Variants in RND3 observed in about 807,000 individuals in gnomAD.
RND3 encodes the protein rho-related GTP-binding protein RhoE.
RND3 carries 8 observed loss-of-function variants against 26.5 expected under a neutral mutation model. The observed-to-expected ratio is 0.30, with a 90% CI of 0.18 to 0.54. RND3 has a LOEUF of 0.54. RND3 is among the 20% of genes least tolerant of loss of function. The pLI is 0.94. For missense variants in RND3, 207 were observed against 302.8 expected (o/e 0.68, Z 2.35); for synonymous variants, 113 against 113.0 (o/e 1.00, Z 0.00).
chr2:150,471,536 GCAGCTA>G, intron 5 of RND3, 85 bp downstream of exon 5: 1 of 1,099,696 alleles, frequency 9.1e-7, no homozygotes, highest in African/African-American at 1.6e-5. Context: ...CTTTAGAAAA[GCAGCTA>G]CTTTTTATTT....
intron 3 of RND3, among the ~76,000 whole-genome samples, chr2:150,480,811 T>C (rs1686257905): frequency 1.3e-5 from 2 of 152,214 alleles, no homozygotes. Flanking sequence ...GAAACCACCA[T>C]ACAAACTATC....
intron 3 of RND3, among the ~76,000 whole-genome samples, chr2:150,475,304 A>G (rs886813687): frequency 6.6e-6 from 1 of 152,192 alleles, no homozygotes; most frequent in African/African-American, 2.4e-5. Flanking sequence ...TCTTGTGTGT[A>G]AACCTGCCTC....
intron 3 of RND3, among the ~76,000 whole-genome samples, chr2:150,484,607 C>A (rs1686327754): frequency 6.6e-6 from 1 of 152,148 alleles, no homozygotes; most frequent in East Asian, 1.9e-4. Context: ...GATGCCAGAT[C>A]CCCTAAGACT....
At chr2:150,471,475 A>G in intron 5 of RND3, 152 bp downstream of exon 5, 1 of 600,830 alleles carries the variant, frequency 1.7e-6, no homozygotes, top group East Asian at 2.8e-5. Flanking sequence ...TCATGTAATT[A>G]CACTAATAAA....
At position 150,486,607 on chromosome 2, in the gene RND3, T is replaced by A. The variant is rs369682047; in HGVS notation, c.238+87A>T. 4.7e-4 allele frequency: 443 copies of A among 943,634 alleles called. 1 individual carries two copies. The African/African-American group carries it at 6.5e-3, about 14-fold the overall frequency. The allele number at this position is 943,634 out of a possible 1,614,324, so 58.5% of individuals were successfully genotyped here. ...TCCCTTGGGAGGGGCGCAGACGGCT[T>A]GTAGCGCGCGGTTTCCCGAGACCCG... On this transcript the variant is annotated intron_variant, in intron 3 of 5. Transcript: ENST00000263895. The surrounding 1 kb of genome is among the most constrained non-coding windows in gnomAD (Gnocchi z 4.5).
intron 3 of RND3, among the ~76,000 whole-genome samples, chr2:150,481,954 G>C (rs776347082): frequency 6.6e-6 from 1 of 152,018 alleles, no homozygotes; most frequent in Non-Finnish European, 1.5e-5. Flanking sequence ...CTCATATTAA[G>C]GCCATTAGGT....
At chr2:150,480,911 A>G (rs576960399) in intron 3 of RND3, among the ~76,000 whole-genome samples, 1 of 152,316 alleles carries the variant, frequency 6.6e-6, no homozygotes, top group East Asian at 1.9e-4. Context: ...CTAAGCTCCA[A>G]TGGATCATTA....
chr2:150,486,676 C>T lies in RND3; in HGVS notation c.238+18G>A. ...CTGGAAACCCGCCCCAAGCGCCACGCGGTCCTCCCACTCTTACCCGAAGTG... is the reference window on the plus strand; with the variant it reads ...CTGGAAACCCGCCCCAAGCGCCACGTGGTCCTCCCACTCTTACCCGAAGTG... On this transcript the variant is annotated intron_variant, in intron 3 of 5. Coordinates refer to ENST00000263895, the MANE Select transcript of RND3 (RefSeq NM_005168.5). The surrounding 1 kb of genome is among the most constrained non-coding windows in gnomAD (Gnocchi z 4.5). 6.4e-7 allele frequency: 1 copy of T among 1,572,972 alleles called. No homozygotes were observed. Among genetic ancestry groups the T allele is most frequent in the South Asian group, 1.1e-5 (1 of 90,290 alleles).
Position 150,486,533 on chromosome 2 carries a change from G to T in RND3, c.238+161C>A, listed in dbSNP as rs1162355520. 6.6e-6 allele frequency among the ~76,000 whole-genome samples: 1 copy of T among 152,162 alleles called. No homozygotes were observed. Among genetic ancestry groups the T allele is most frequent in the Admixed American group, 6.5e-5 (1 of 15,290 alleles). Reference sequence around the variant, plus strand: ...CTCCTCGTCCACGCTGTCGTCTGCCGCCCCCACCCAGAAGGGATACAATTT... The same window carrying T: ...CTCCTCGTCCACGCTGTCGTCTGCCTCCCCCACCCAGAAGGGATACAATTT... On this transcript the variant is annotated intron_variant, in intron 3 of 5. Coordinates refer to ENST00000263895, the MANE Select transcript of RND3 (RefSeq NM_005168.5). This position sits in a 1 kb window ranked among gnomAD's most constrained non-coding sequence, Gnocchi z 4.5.
At chr2:150,477,463 C>A (rs1686187759) in intron 3 of RND3, among the ~76,000 whole-genome samples, 1 of 152,158 alleles carries the variant, frequency 6.6e-6, no homozygotes, top group Non-Finnish European at 1.5e-5. Context: ...GGAATGGTTT[C>A]AACATTCAGG....
Position 150,468,340 on chromosome 2 carries a change from T to C in RND3, c.*1647A>G, listed in dbSNP as rs1019817930. The C allele has an allele frequency of 6.6e-6, 1 of 152,648 alleles. No individual in the cohort carries two copies. The highest frequency in any genetic ancestry group is 2.1e-4 in the South Asian group (1 of 4,832). The allele number at this position is 152,648 out of a possible 1,614,324, so 9.5% of individuals were successfully genotyped here. A position where few individuals can be genotyped will look rare whatever the true frequency, so the allele number is the denominator to read the frequency against. ...CAAAAGTTCTGCTTTATAACAGTTA[T>C]AACTTATTTTCTTTTTACAATATTT... On this transcript the variant is annotated 3_prime_UTR_variant, in exon 6 of 6. Coordinates refer to ENST00000263895, the MANE Select transcript of RND3 (RefSeq NM_005168.5).
In RND3 at chr2:150,470,316, A is replaced by C. The variant is rs558733504; in HGVS notation, c.484-78T>G. The C allele has an allele frequency of 2.1e-5, 30 of 1,441,752 alleles. No individual in the cohort carries two copies. In the South Asian group the frequency reaches 3.8e-4, roughly 18 times the overall value. 89.3% of individuals were successfully genotyped at this position (1,441,752 alleles called of 1,614,324 possible). On this transcript the variant is annotated intron_variant, in intron 5 of 5. Transcript: ENST00000263895. ...TAGCTAGCATCTTCTAATACCACAA[A>C]ATAATAACACATTGCAAAACGTTTG...
At chr2:150,484,404 C>T (rs1234871063) in intron 3 of RND3, among the ~76,000 whole-genome samples, 1 of 152,202 alleles carries the variant, frequency 6.6e-6, no homozygotes, top group Non-Finnish European at 1.5e-5. Context: ...GCCCTTTAGG[C>T]ATCTATTCCG....
chr2:150,470,371 C>A, intron 5 of RND3, 133 bp from the exon 6 acceptor site: 1 of 931,286 alleles, frequency 1.1e-6, no homozygotes, highest in Non-Finnish European at 1.6e-6. Context: ...TTCCAAGTGT[C>A]ATTGCAAAAA....
At chr2:150,476,792 A>G (rs1686174072) in intron 3 of RND3, among the ~76,000 whole-genome samples, 1 of 152,236 alleles carries the variant, frequency 6.6e-6, no homozygotes, top group Non-Finnish European at 1.5e-5. Context: ...GGTGAAGAGA[A>G]TAATTCACAA....
chr2:150,475,152 G>C (rs1686144667), intron 3 of RND3, 168 bp from the exon 4 acceptor site: 1 of 545,944 alleles, frequency 1.8e-6, no homozygotes, highest in South Asian at 2.1e-5. Flanking sequence ...AGCCTGCTTA[G>C]AAATATATGA....
At chr2:150,478,475 C>T (rs1227076958) in intron 3 of RND3, among the ~76,000 whole-genome samples, 2 of 147,026 alleles carry the variant, frequency 1.4e-5, no homozygotes, top group Non-Finnish European at 3.0e-5. Context: ...GAAATGACAC[C>T]AAAGGAAGGA....
At chr2:150,484,095 G>A (rs1054609377) in intron 3 of RND3, among the ~76,000 whole-genome samples, 8 of 152,290 alleles carry the variant, frequency 5.3e-5, no homozygotes, top group Non-Finnish European at 8.8e-5. Context: ...CATTCTTTGT[G>A]CACAGGTAAT....
At chr2:150,477,240 G>T (rs1686184550) in intron 3 of RND3, among the ~76,000 whole-genome samples, 1 of 152,000 alleles carries the variant, frequency 6.6e-6, no homozygotes, top group Non-Finnish European at 1.5e-5. Flanking sequence ...AGCAGACCTG[G>T]TATCTTTAGA....
Sources: gnomAD v4.1 joint callset for allele counts (sites outside exome capture counted in the v4.1 genomes callset) on GRCh38, gnomAD v4.1.1 for gene constraint, Gnocchi (gnomAD v3.1) non-coding constraint, MANE v1.5 for transcripts, NCBI Gene and HGNC (gene_info 2026-07-23, HGNC 2026-07-21) for gene names.